The following CARMIL1 variants were observed in gnomAD, a reference collection of about 807,000 sequenced individuals.
CARMIL1 encodes the protein F-actin-uncapping protein LRRC16A.
Under a neutral mutation model 177.1 loss-of-function variants are expected in CARMIL1, and 90 were observed. The observed-to-expected ratio is 0.51, with a 90% CI of 0.43 to 0.61. CARMIL1 has a LOEUF of 0.61. CARMIL1 is among the 20% of genes least tolerant of loss of function. CARMIL1 has a pLI of 0.00. For synonymous variants in CARMIL1, 577 were observed against 606.2 expected (o/e 0.95, Z 0.71); for missense variants, 1,380 against 1,667.0 (o/e 0.83, Z 3.00).
intron 2 of CARMIL1, among the ~76,000 whole-genome samples, chr6:25,417,056 A>G (rs1388534344): frequency 6.6e-6 from 1 of 152,058 alleles, no homozygotes; most frequent in African/African-American, 2.4e-5. Context: ...TGTCAGCATT[A>G]TTATCTTATT....
chr6:25,369,304 C>G (rs549833822), intron 2 of CARMIL1, among the ~76,000 whole-genome samples: 4 of 151,802 alleles, frequency 2.6e-5, no homozygotes, highest in Non-Finnish European at 5.9e-5. Flanking sequence ...CTCAGTGTCT[C>G]GAGCTTTAGT....
chr6:25,331,837 A>G (rs892103175), intron 2 of CARMIL1, among the ~76,000 whole-genome samples: 2 of 152,258 alleles, frequency 1.3e-5, no homozygotes, highest in African/African-American at 2.4e-5. Context: ...TAAAGGAATC[A>G]TAAGTCTGTT....
intron 7 of CARMIL1, 39 bp from the exon 8 acceptor site, chr6:25,450,599 G>A: frequency 2.4e-6 from 3 of 1,266,846 alleles, no homozygotes; most frequent in Non-Finnish European, 3.4e-6. Flanking sequence ...CTGGTCATCT[G>A]CATGGACTGA....
At chr6:25,470,116 G>C (rs570816852) in intron 9 of CARMIL1, among the ~76,000 whole-genome samples, 1 of 152,046 alleles carries the variant, frequency 6.6e-6, no homozygotes, top group South Asian at 2.1e-4. Flanking sequence ...TATTACATGA[G>C]ACATGTTTAT....
chr6:25,385,780 G>A (rs1395913784), intron 2 of CARMIL1, among the ~76,000 whole-genome samples: 1 of 152,092 alleles, frequency 6.6e-6, no homozygotes. Context: ...TTCACTTTCA[G>A]CTCTTGAATT....
chr6:25,497,552 A>T (rs1433996312), intron 16 of CARMIL1, among the ~76,000 whole-genome samples: 1 of 152,138 alleles, frequency 6.6e-6, no homozygotes, highest in African/African-American at 2.4e-5. Context: ...TCTTCCAGTA[A>T]AGAGGAAGAA....
At chr6:25,572,308 C>T (rs1229759075) in intron 29 of CARMIL1, among the ~76,000 whole-genome samples, 1 of 151,850 alleles carries the variant, frequency 6.6e-6, no homozygotes, top group Non-Finnish European at 1.5e-5. Context: ...CTATACTTGT[C>T]CTTTTAATTT....
chr6:25,332,767 A>G (rs1331665867), intron 2 of CARMIL1, among the ~76,000 whole-genome samples: 247 of 138,456 alleles, frequency 1.8e-3, no homozygotes, highest in African/African-American at 6.5e-3. Context: ...ACACACACAC[A>G]CACACGCGCA....
At position 25,291,224 on chromosome 6, in the gene CARMIL1, G is replaced by A. The variant is rs1781938408; in HGVS notation, c.138+6315G>A. 2.6e-5 allele frequency among the ~76,000 whole-genome samples: 4 copies of A among 152,108 alleles called. No individual in the cohort carries two copies. The South Asian group carries it at 8.3e-4, about 32-fold the overall frequency. Reference sequence around the variant, plus strand: ...AGTTAACTTAAAAAAATGTCGAAAGGCATAGGGGTATTATTTTGGGTAACG... The same window carrying A: ...AGTTAACTTAAAAAAATGTCGAAAGACATAGGGGTATTATTTTGGGTAACG... On this transcript the variant is annotated intron_variant, in intron 2 of 36. Transcript: ENST00000329474.
chr6:25,302,135 T>C (rs1433928503), intron 2 of CARMIL1, among the ~76,000 whole-genome samples: 3 of 152,216 alleles, frequency 2.0e-5, no homozygotes, highest in Non-Finnish European at 2.9e-5. Flanking sequence ...TTTTGAATGA[T>C]CGGCACTGAC....
chr6:25,457,989 C>T (rs1328262), intron 8 of CARMIL1, among the ~76,000 whole-genome samples: 118,010 of 152,096 alleles, frequency 0.78, 46,165 homozygotes, highest in South Asian at 0.87. Flanking sequence ...TCACAGTGTT[C>T]TTAAAATTTC....
Position 25,437,819 on chromosome 6 carries a change from T to G in CARMIL1, c.371+2215T>G, listed in dbSNP as rs9358857. On this transcript the variant is annotated intron_variant, in intron 5 of 36. Transcript: ENST00000329474. ...TGCTAAGCTTTTAAAAATATTATCTTAATATCTCGTGGTCTGGTTCTTTCT... is the reference window on the plus strand; with the variant it reads ...TGCTAAGCTTTTAAAAATATTATCTGAATATCTCGTGGTCTGGTTCTTTCT... 5.3e-5 allele frequency among the ~76,000 whole-genome samples: 8 copies of G among 152,144 alleles called. No individual in the cohort carries two copies. In the South Asian group the frequency reaches 1.5e-3, roughly 28 times the overall value.
chr6:25,515,348 T>C lies in CARMIL1; in HGVS notation c.1633-327T>C, dbSNP rs301381. Among the ~76,000 whole-genome samples the C allele has an allele frequency of 6.6e-6, 1 of 152,020 alleles. No homozygotes were observed. The highest frequency in any genetic ancestry group is 6.5e-5 in the Admixed American group (1 of 15,292). Reference sequence around the variant, plus strand: ...GGTATAAAGGGTGATCATATTAAGCTGAGAAATTTTTGTTATGTTTTTATT... The same window carrying C: ...GGTATAAAGGGTGATCATATTAAGCCGAGAAATTTTTGTTATGTTTTTATT... On this transcript the variant is annotated intron_variant, in intron 20 of 36. Transcript: ENST00000329474. The surrounding 1 kb of genome is among the most constrained non-coding windows in gnomAD (Gnocchi z 5.0).
At chr6:25,465,783 A>C in intron 8 of CARMIL1, 90 bp from the exon 9 acceptor site, 1 of 777,440 alleles carries the variant, frequency 1.3e-6, no homozygotes, top group South Asian at 1.5e-5. Flanking sequence ...AGAAATTAAC[A>C]GGTGAACTTG....
At chr6:25,484,991 G>C (rs561522315) in intron 12 of CARMIL1, among the ~76,000 whole-genome samples, 54 of 151,984 alleles carry the variant, frequency 3.6e-4, no homozygotes, top group Admixed American at 5.9e-4. Flanking sequence ...GCTATGACAG[G>C]GCCACTGCAC....
chr6:25,366,080 C>G (rs1458529098), intron 2 of CARMIL1, among the ~76,000 whole-genome samples: 1 of 152,018 alleles, frequency 6.6e-6, no homozygotes, highest in Non-Finnish European at 1.5e-5. Context: ...CTCCCTGGAA[C>G]CTCGAACTGG....
In CARMIL1 at chr6:25,434,485, C is replaced by T. The variant is rs146023103; in HGVS notation, c.250-998C>T. Among the ~76,000 whole-genome samples, 575 of 151,204 alleles carry T rather than the reference C, an allele frequency of 3.8e-3. 4 individuals are homozygous for T. The highest frequency in any genetic ancestry group is 5.7e-3 in the Non-Finnish European group (384 of 67,834). ...TTATTAACGTGTTACCTTAATATTCCAAGTATCCCCTCTTCTTAGAAAGCT... is the reference window on the plus strand; with the variant it reads ...TTATTAACGTGTTACCTTAATATTCTAAGTATCCCCTCTTCTTAGAAAGCT... On this transcript the variant is annotated intron_variant, in intron 4 of 36. Coordinates refer to ENST00000329474, the MANE Select transcript of CARMIL1 (RefSeq NM_017640.6).
At chr6:25,309,182 C>T (rs7746942) in intron 2 of CARMIL1, among the ~76,000 whole-genome samples, 31,547 of 151,900 alleles carry the variant, frequency 0.21, 4,221 homozygotes, top group East Asian at 0.4. Flanking sequence ...GCCATCACAC[C>T]TAGCCTCTCT....
At chr6:25,529,203 C>T (rs959554337) in intron 24 of CARMIL1, among the ~76,000 whole-genome samples, 27 of 152,212 alleles carry the variant, frequency 1.8e-4, no homozygotes, top group African/African-American at 6.3e-4. Context: ...ACTTTGGAGA[C>T]ATTCTGTTCC....
Sources: gnomAD v4.1 joint callset for allele counts (sites outside exome capture counted in the v4.1 genomes callset) on GRCh38, gnomAD v4.1.1 for gene constraint, Gnocchi (gnomAD v3.1) non-coding constraint, MANE v1.5 for transcripts, NCBI Gene and HGNC (gene_info 2026-07-23, HGNC 2026-07-21) for gene names.